BABAM2: variants seen among roughly 807,000 people sequenced by gnomAD.
BABAM2 encodes the protein BRISC and BRCA1-A complex member 2.
BABAM2 carries 31 observed loss-of-function variants against 54.7 expected under a neutral mutation model. The observed-to-expected ratio is 0.57, with a 90% CI of 0.43 to 0.77. The LOEUF (loss-of-function observed/expected upper bound fraction) is 0.77. Among genes scored for constraint, BABAM2 ranks in the 30% least tolerant of loss-of-function variants. BABAM2 has a pLI of 0.00. For missense variants in BABAM2, 364 were observed against 455.8 expected, an observed-to-expected ratio of 0.80 and a Z score of 1.83; for synonymous variants, 167 against 162.9, an observed-to-expected ratio of 1.03 and a Z score of -0.19.
chr2:28,077,612 G>T (rs1428628673), intron 6 of BABAM2, among the ~76,000 whole-genome samples: 1 of 152,062 alleles, frequency 6.6e-6, no homozygotes, highest in Non-Finnish European at 1.5e-5. Flanking sequence ...CTGTTTTGAA[G>T]AACAAATACT....
rs565412959 is a variant in BABAM2 at position 28,286,800 on chromosome 2, T to G, written c.935-11538T>G. 4.1e-4 allele frequency among the ~76,000 whole-genome samples: 63 copies of G among 152,294 alleles called. 1 individual carries two copies. The Middle Eastern group carries it at 0.014, about 33-fold the overall frequency. On this transcript the variant is annotated intron_variant, in intron 10 of 11. Coordinates refer to ENST00000379624, the MANE Select transcript of BABAM2 (RefSeq NM_199191.3). ...TCCTGAGAACAGTGAGTTGAGGGCA[T>G]GCTGACACTGTGGGGAGGAGTTGGC...
chr2:28,300,018 A>C (rs192611351), intron 11 of BABAM2, among the ~76,000 whole-genome samples: 1 of 152,238 alleles, frequency 6.6e-6, no homozygotes, highest in East Asian at 1.9e-4. Flanking sequence ...GGCTCACTGC[A>C]ACCTCCACCT....
intron 4 of BABAM2, among the ~76,000 whole-genome samples, chr2:28,006,328 A>G (rs1300957130): frequency 6.6e-6 from 1 of 152,054 alleles, no homozygotes; most frequent in Non-Finnish European, 1.5e-5. Flanking sequence ...TTCCCCTACC[A>G]TCCTGGTTTC....
At chr2:28,152,138 A>G (rs893794257) in intron 7 of BABAM2, among the ~76,000 whole-genome samples, 1 of 152,156 alleles carries the variant, frequency 6.6e-6, no homozygotes, top group African/African-American at 2.4e-5. Context: ...CCCCTTTTCT[A>G]TCCCCCAAAG....
At chr2:28,156,506 A>G (rs911912206) in intron 7 of BABAM2, among the ~76,000 whole-genome samples, 4 of 152,140 alleles carry the variant, frequency 2.6e-5, no homozygotes, top group African/African-American at 9.7e-5. Flanking sequence ...ACAGTTTTTC[A>G]TAGTCTATTT....
intron 6 of BABAM2, among the ~76,000 whole-genome samples, chr2:28,099,340 A>G (rs1666874564): frequency 6.6e-6 from 1 of 152,136 alleles, no homozygotes; most frequent in Non-Finnish European, 1.5e-5. Context: ...AAGAACATAA[A>G]CTGCACACCC....
chr2:28,041,923 G>A (rs891073248), intron 5 of BABAM2, among the ~76,000 whole-genome samples: 6 of 152,300 alleles, frequency 3.9e-5, no homozygotes, highest in South Asian at 2.1e-4. Context: ...TTGTCCAGGC[G>A]TAGAGATAAA....
intron 11 of BABAM2, among the ~76,000 whole-genome samples, chr2:28,313,090 G>A (rs1689224480): frequency 6.6e-6 from 1 of 152,206 alleles, no homozygotes; most frequent in Non-Finnish European, 1.5e-5. Context: ...CCTACCCGTG[G>A]AGTGGCCTGG....
rs182069916 is a variant in BABAM2 at position 28,241,974 on chromosome 2, G to A, written c.851+581G>A. On this transcript the variant is annotated intron_variant, in intron 9 of 11. Transcript: ENST00000379624. The stretch of plus-strand genomic sequence containing the variant: ...ACTCAACAGTAGTAATGGTGGTAAC[G>A]GTCACTTTTTGTAGAACTCTCTACA... Among the ~76,000 whole-genome samples the A allele has an allele frequency of 4.0e-4, 60 of 151,254 alleles. No homozygotes were observed. In the East Asian group the frequency reaches 8.2e-3, roughly 21 times the overall value.
chr2:28,202,334 C>T (rs535571902), intron 7 of BABAM2, among the ~76,000 whole-genome samples: 2 of 152,238 alleles, frequency 1.3e-5, no homozygotes, highest in Non-Finnish European at 2.9e-5. Context: ...TGTCTCTTCC[C>T]ACATCCCATT....
chr2:28,105,629 G>A (rs148499690), intron 6 of BABAM2, among the ~76,000 whole-genome samples: 4,018 of 152,194 alleles, frequency 0.026, 66 homozygotes, highest in African/African-American at 0.035. Context: ...ATCTTCAAGC[G>A]TTGTTGGCGA....
At chr2:28,128,217 G>A (rs559588993) in intron 6 of BABAM2, among the ~76,000 whole-genome samples, 12 of 152,240 alleles carry the variant, frequency 7.9e-5, no homozygotes, top group African/African-American at 2.4e-4. Flanking sequence ...ATATAGGTCC[G>A]TTCTTACCAG....
At chr2:28,005,443 T>G (rs1383364934) in intron 4 of BABAM2, among the ~76,000 whole-genome samples, 1 of 152,166 alleles carries the variant, frequency 6.6e-6, no homozygotes, top group African/African-American at 2.4e-5. Flanking sequence ...AGATAAAAAT[T>G]TTTGTGCTGT....
chr2:28,110,808 T>A (rs1263031613), intron 6 of BABAM2, among the ~76,000 whole-genome samples: 1 of 151,982 alleles, frequency 6.6e-6, no homozygotes, highest in Non-Finnish European at 1.5e-5. Context: ...AGCGATCCCA[T>A]TTTACACTAC....
At chr2:27,937,703 A>C (rs1180015308) in intron 3 of BABAM2, among the ~76,000 whole-genome samples, 1 of 152,200 alleles carries the variant, frequency 6.6e-6, no homozygotes, top group Non-Finnish European at 1.5e-5. Context: ...TATATTCCAC[A>C]TATTAACCTC....
intron 7 of BABAM2, among the ~76,000 whole-genome samples, chr2:28,187,662 A>ATTTTTTTTTTTTTTTTTTTTT: frequency 1.0e-5 from 1 of 99,162 alleles, no homozygotes; most frequent in Non-Finnish European, 2.0e-5. Flanking sequence ...GAACTTTGGA[A>ATTTTTTTTTTTTTTTTTTTTT]TTTTTTTTTT....
chr2:28,327,378 C>G (rs1690565961), intron 11 of BABAM2: 2 of 1,613,666 alleles, frequency 1.2e-6, no homozygotes, highest in Non-Finnish European at 1.7e-6. Flanking sequence ...AGGAACTGGC[C>G]AAGCTCCAGA....
At chr2:28,326,293 G>C (rs1690450893) in intron 11 of BABAM2, among the ~76,000 whole-genome samples, 1 of 152,170 alleles carries the variant, frequency 6.6e-6, no homozygotes, top group Non-Finnish European at 1.5e-5. Flanking sequence ...CCCACCCCAG[G>C]CAGCCACGTG....
At chr2:28,100,938 G>A (rs149430032) in intron 6 of BABAM2, among the ~76,000 whole-genome samples, 76 of 152,270 alleles carry the variant, frequency 5.0e-4, no homozygotes, top group Admixed American at 1.1e-3. Flanking sequence ...GCAAGGATTT[G>A]ACAACAGAGT....
Sources: allele counts gnomAD v4.1 joint callset (sites outside exome capture counted in the v4.1 genomes callset), GRCh38; gene constraint gnomAD v4.1.1; transcripts MANE v1.5; gene names NCBI Gene and HGNC (gene_info 2026-07-23, HGNC 2026-07-21).